The following RP1 variants were observed in gnomAD, a reference collection of about 807,000 sequenced individuals.
RP1 encodes RP1 axonemal microtubule associated.
In RP1, 16 loss-of-function variants were observed where a neutral mutation model predicts 14.8. The observed-to-expected ratio is 1.08, with a 90% CI of 0.73 to 1.65. The LOEUF (loss-of-function observed/expected upper bound fraction) is 1.65, where lower values mean the gene tolerates loss of function less well. RP1 is among the 40% of genes most tolerant of loss of function. The probability of loss-of-function intolerance (pLI) is 0.00; values close to 1 mark genes in which losing one functional copy is unlikely to be tolerated. For missense variants in RP1, 2,631 were observed against 2,535.0 expected, an observed-to-expected ratio of 1.04 and a Z score of -0.81; for synonymous variants, 876 against 883.6, an observed-to-expected ratio of 0.99 and a Z score of 0.15.
rs1810357715 is a variant in RP1 at position 54,787,752 on chromosome 8, C to A, written c.3615+4042C>A. Among the ~76,000 whole-genome samples the A allele has an allele frequency of 3.3e-5, 5 of 152,158 alleles. No homozygotes were observed. In the South Asian group the frequency reaches 1.0e-3, roughly 32 times the overall value. On this transcript the variant is annotated intron_variant, in intron 24 of 28. Coordinates refer to the RP1 transcript ENST00000637698. ...TAATATTTATTGTGAACTCCCAGGG[C>A]ACTTGCCTAATCATTGAATATCCCT...
chr8:54,648,519 C>T (rs1806592125), intron 3 of RP1, among the ~76,000 whole-genome samples: 1 of 151,924 alleles, frequency 6.6e-6, no homozygotes, highest in African/African-American at 2.4e-5. Flanking sequence ...TCTACTCACC[C>T]AATTCCAGTT....
chr8:54,726,377 A>T, exon 17 of RP1: 1 of 1,533,280 alleles, frequency 6.5e-7, no homozygotes, highest in Non-Finnish European at 8.7e-7. Flanking sequence ...AATGTCTGCA[A>T]CACCCAGCCA....
At chr8:54,869,891 C>G (rs1373982205) in exon 29 of RP1, 7 of 1,231,770 alleles carry the variant, frequency 5.7e-6, no homozygotes, top group Non-Finnish European at 2.0e-6. Flanking sequence ...GGGAATTGCT[C>G]GCAGAAAGTA....
intron 3 of RP1, among the ~76,000 whole-genome samples, chr8:54,638,713 G>C (rs1806399846): frequency 6.6e-6 from 1 of 151,894 alleles, no homozygotes; most frequent in Non-Finnish European, 1.5e-5. Context: ...GTTTGTTTTT[G>C]CTACACTAGG....
chr8:54,775,708 G>A (rs752214125), intron 23 of RP1, among the ~76,000 whole-genome samples: 10 of 152,202 alleles, frequency 6.6e-5, no homozygotes, highest in Non-Finnish European at 1.0e-4. Flanking sequence ...ATTGTTTTGC[G>A]CCATCAAGTT....
At chr8:54,581,279 G>C (rs1280982505) in intron 1 of RP1, among the ~76,000 whole-genome samples, 1 of 151,966 alleles carries the variant, frequency 6.6e-6, no homozygotes, top group Non-Finnish European at 1.5e-5. Context: ...CCTTGCGATA[G>C]TTTGCTGAGA....
At chr8:54,647,564 A>G (rs1476996392) in intron 3 of RP1, among the ~76,000 whole-genome samples, 1 of 152,236 alleles carries the variant, frequency 6.6e-6, no homozygotes, top group Non-Finnish European at 1.5e-5. Flanking sequence ...AAGAGAGGAA[A>G]ACAGTCTAAT....
At chr8:54,767,338 A>C (rs1310351004) in intron 22 of RP1, among the ~76,000 whole-genome samples, 1 of 151,722 alleles carries the variant, frequency 6.6e-6, no homozygotes, top group East Asian at 1.9e-4. Context: ...ATCTGACTCT[A>C]CTTGAAATTT....
intron 1 of RP1, among the ~76,000 whole-genome samples, chr8:54,593,101 A>C (rs1293146627): frequency 6.6e-6 from 1 of 152,170 alleles, no homozygotes; most frequent in Non-Finnish European, 1.5e-5. Context: ...TTCCCCCTTT[A>C]GAATGACAGT....
intron 24 of RP1, among the ~76,000 whole-genome samples, chr8:54,803,896 C>T (rs752683269): frequency 4.0e-5 from 6 of 151,782 alleles, no homozygotes; most frequent in South Asian, 2.1e-4. Flanking sequence ...GGTGAAACCC[C>T]GTCTCTACTA....
chr8:54,579,978 C>A (rs188431172), intron 1 of RP1, among the ~76,000 whole-genome samples: 1 of 152,290 alleles, frequency 6.6e-6, no homozygotes, highest in East Asian at 1.9e-4. Flanking sequence ...CCTGTTTGGA[C>A]TTCGAGAGCC....
intron 7 of RP1, among the ~76,000 whole-genome samples, chr8:54,667,170 G>A (rs1477156808): frequency 2.0e-5 from 3 of 151,970 alleles, no homozygotes; most frequent in Non-Finnish European, 4.4e-5. Flanking sequence ...AGGAGCACAC[G>A]GGAGCCATCA....
At chr8:54,866,385 G>A (rs1200866857) in intron 28 of RP1, among the ~76,000 whole-genome samples, 1 of 152,148 alleles carries the variant, frequency 6.6e-6, no homozygotes, top group African/African-American at 2.4e-5. Context: ...AAGTGGCGTA[G>A]ATGTAATATA....
chr8:54,793,389 AG>A (rs1051582744), intron 24 of RP1, among the ~76,000 whole-genome samples: 5 of 151,976 alleles, frequency 3.3e-5, no homozygotes, highest in African/African-American at 1.2e-4. Context: ...AGAAAATTAC[AG>A]GACAATATTC....
At chr8:54,657,536 A>T (rs919706142) in intron 6 of RP1, among the ~76,000 whole-genome samples, 1 of 152,202 alleles carries the variant, frequency 6.6e-6, no homozygotes, top group Admixed American at 6.5e-5. Flanking sequence ...TACCCTTGCC[A>T]TATTTTTATC....
At chr8:54,724,301 GT>G (rs1808600662) in intron 16 of RP1, among the ~76,000 whole-genome samples, 2 of 152,136 alleles carry the variant, frequency 1.3e-5, no homozygotes, top group African/African-American at 4.8e-5. Flanking sequence ...TATTATGTAA[GT>G]TTTCACTTGT....
Position 54,628,070 on chromosome 8 carries a change from A to C in RP1, c.4188A>C (p.Leu1396Phe), listed in dbSNP as rs1305065318. Residue 1396 changes from leucine to phenylalanine, a missense_variant, in exon 4 of 4, where the codon TTA becomes TTC. Leu to Phe is a conservative substitution (Grantham distance 22, BLOSUM62 0). Coordinates refer to ENST00000220676, the MANE Select transcript of RP1 (RefSeq NM_006269.2). Reference protein sequence around the residue: ...TLVSHQNVSNLSSCGLCLSEK... With the variant: ...TLVSHQNVSNFSSCGLCLSEK... The stretch of plus-strand genomic sequence containing the variant: ...TGTCACATCAAAATGTCAGTAATTT[A>C]AGCTCCTGTGGCCTTTGCCTAAGTG... 1 of 1,614,064 alleles carries C rather than the reference A, an allele frequency of 6.2e-7. No individual in the cohort carries two copies. The highest frequency in any genetic ancestry group is 8.5e-7 in the Non-Finnish European group (1 of 1,179,942).
intron 14 of RP1, among the ~76,000 whole-genome samples, chr8:54,702,213 A>G (rs1161816364): frequency 6.6e-6 from 1 of 152,308 alleles, no homozygotes; most frequent in Non-Finnish European, 1.5e-5. Context: ...TGTATTTGAA[A>G]CGCGAAGGAA....
intron 1 of RP1, among the ~76,000 whole-genome samples, chr8:54,579,316 T>C (rs1243537010): frequency 6.6e-6 from 1 of 152,176 alleles, no homozygotes; most frequent in African/African-American, 2.4e-5. Flanking sequence ...AAACCGAGGA[T>C]GAGACTAGTC....
Sources: allele counts gnomAD v4.1 joint callset (sites outside exome capture counted in the v4.1 genomes callset), GRCh38; gene constraint gnomAD v4.1.1; transcripts MANE v1.5; gene names NCBI Gene and HGNC (gene_info 2026-07-23, HGNC 2026-07-21).